ATXN1: variants seen among roughly 807,000 people sequenced by gnomAD.
ATXN1 encodes ataxin 1.
A neutral mutation model predicts 56.4 loss-of-function variants in ATXN1; 8 were observed. That is an observed-to-expected ratio of 0.14 (90% CI 0.08 to 0.26). The LOEUF (loss-of-function observed/expected upper bound fraction) is 0.26. Among genes scored for constraint, ATXN1 ranks in the 10% least tolerant of loss-of-function variants. The pLI, the probability that ATXN1 is intolerant of heterozygous loss-of-function variation, is 1.00. For missense variants in ATXN1, 987 were observed against 1,106.5 expected, an observed-to-expected ratio of 0.89 and a Z score of 1.53; for synonymous variants, 514 against 494.6, an observed-to-expected ratio of 1.04 and a Z score of -0.52.
At chr6:16,344,325 T>G (rs1460991483) in intron 6 of ATXN1, among the ~76,000 whole-genome samples, 1 of 152,250 alleles carries the variant, frequency 6.6e-6, no homozygotes, top group Non-Finnish European at 1.5e-5. Context: ...TCAACTTGAT[T>G]GGATTGAAGG....
chr6:16,701,036 A>C (rs1357113903), intron 2 of ATXN1, among the ~76,000 whole-genome samples: 1 of 152,060 alleles, frequency 6.6e-6, no homozygotes, highest in African/African-American at 2.4e-5. Context: ...TCTGAACAGA[A>C]GCGAGGTTTG....
At chr6:16,377,040 T>A (rs895253179) in intron 6 of ATXN1, among the ~76,000 whole-genome samples, 1 of 152,176 alleles carries the variant, frequency 6.6e-6, no homozygotes, top group East Asian at 1.9e-4. Flanking sequence ...GTATCCCTCA[T>A]ATATGGGATT....
chr6:16,317,076 C>T (rs1361273974), intron 7 of ATXN1, among the ~76,000 whole-genome samples: 2 of 152,046 alleles, frequency 1.3e-5, no homozygotes, highest in Non-Finnish European at 2.9e-5. Flanking sequence ...TCTCCACTCT[C>T]GTTCTTGCAG....
At chr6:16,658,996 C>A (rs1001672708) in intron 2 of ATXN1, among the ~76,000 whole-genome samples, 10 of 152,162 alleles carry the variant, frequency 6.6e-5, no homozygotes, top group Non-Finnish European at 1.5e-5. Context: ...CCTTGAAAGC[C>A]TTCTGTAACT....
chr6:16,321,100 C>A (rs566995047), intron 7 of ATXN1, among the ~76,000 whole-genome samples: 12 of 152,272 alleles, frequency 7.9e-5, no homozygotes, highest in African/African-American at 2.9e-4. Context: ...GTGCTACTGA[C>A]GGGTGAGGGA....
chr6:16,460,701 T>G (rs1482876429), intron 6 of ATXN1, among the ~76,000 whole-genome samples: 1 of 152,152 alleles, frequency 6.6e-6, no homozygotes, highest in African/African-American at 2.4e-5. Context: ...CTCTTAGAAG[T>G]ACCCTTAGCT....
chr6:16,350,788 T>A (rs1761548871), intron 6 of ATXN1, among the ~76,000 whole-genome samples: 1 of 152,168 alleles, frequency 6.6e-6, no homozygotes, highest in African/African-American at 2.4e-5. Context: ...TTCCTCATTT[T>A]AAAATGGGAA....
At chr6:16,700,423 G>A (rs932062238) in intron 2 of ATXN1, among the ~76,000 whole-genome samples, 5 of 152,138 alleles carry the variant, frequency 3.3e-5, no homozygotes, top group Admixed American at 1.3e-4. Flanking sequence ...GACCCCTTAC[G>A]GCCATTCCTA....
chr6:16,315,425 T>C (rs1327380595), intron 7 of ATXN1, among the ~76,000 whole-genome samples: 1 of 152,188 alleles, frequency 6.6e-6, no homozygotes, highest in East Asian at 1.9e-4. Flanking sequence ...TCTCACTCGC[T>C]CGGTCACCAC....
At chr6:16,651,726 G>C (rs1763896331) in intron 3 of ATXN1, among the ~76,000 whole-genome samples, 1 of 152,212 alleles carries the variant, frequency 6.6e-6, no homozygotes. Flanking sequence ...GAGTCATGTG[G>C]GAGGAAGTTG....
intron 2 of ATXN1, among the ~76,000 whole-genome samples, chr6:16,743,248 G>T (rs776321725): frequency 6.6e-6 from 1 of 152,146 alleles, no homozygotes; most frequent in African/African-American, 2.4e-5. Flanking sequence ...ATGATTGAGC[G>T]AATTCAGCAC....
At chr6:16,680,437 T>C (rs193153970) in intron 2 of ATXN1, among the ~76,000 whole-genome samples, 37 of 152,338 alleles carry the variant, frequency 2.4e-4, no homozygotes, top group African/African-American at 8.7e-4. Flanking sequence ...ACTTTTCAGC[T>C]TCTTTTTTGA....
At chr6:16,671,049 GA>G (rs1265163179) in intron 2 of ATXN1, among the ~76,000 whole-genome samples, 3 of 152,096 alleles carry the variant, frequency 2.0e-5, no homozygotes, top group Non-Finnish European at 4.4e-5. Context: ...TAACTATTCT[GA>G]AATTTGCTTT....
intron 5 of ATXN1, among the ~76,000 whole-genome samples, chr6:16,488,883 G>A (rs1322658955): frequency 6.6e-6 from 1 of 152,176 alleles, no homozygotes; most frequent in Admixed American, 6.5e-5. Flanking sequence ...GACACACTCA[G>A]AAAGGAGAGA....
intron 2 of ATXN1, among the ~76,000 whole-genome samples, chr6:16,660,702 T>A (rs1463274081): frequency 6.6e-6 from 1 of 152,162 alleles, no homozygotes; most frequent in Non-Finnish European, 1.5e-5. Flanking sequence ...CTATCTTATA[T>A]GATTTACTAG....
intron 2 of ATXN1, among the ~76,000 whole-genome samples, chr6:16,735,646 T>C (rs1760103214): frequency 6.6e-6 from 1 of 152,194 alleles, no homozygotes; most frequent in African/African-American, 2.4e-5. Flanking sequence ...AGTATGAAGA[T>C]ATCTACCACT....
chr6:16,543,305 TC>T (rs1419942683), intron 4 of ATXN1, among the ~76,000 whole-genome samples: 1 of 152,168 alleles, frequency 6.6e-6, no homozygotes, highest in Non-Finnish European at 1.5e-5. Flanking sequence ...TGGTTCCCTT[TC>T]CCATGACAGG....
intron 5 of ATXN1, among the ~76,000 whole-genome samples, chr6:16,487,310 TCATTAATAG>T (rs1390831729): frequency 6.6e-6 from 1 of 152,042 alleles, no homozygotes; most frequent in Non-Finnish European, 1.5e-5. Context: ...ATTGTGGGTG[TCATTAATAG>T]CATTTCTGAG....
At chr6:16,374,137 G>GT (rs1762100283) in intron 6 of ATXN1, among the ~76,000 whole-genome samples, 1 of 75,012 alleles carries the variant, frequency 1.3e-5, no homozygotes. Flanking sequence ...TAGGATATGA[G>GT]CAAAAAAAAA....
Sources: gnomAD v4.1 joint callset for allele counts (sites outside exome capture counted in the v4.1 genomes callset) on GRCh38, gnomAD v4.1.1 for gene constraint, MANE v1.5 for transcripts, NCBI Gene and HGNC (gene_info 2026-07-23, HGNC 2026-07-21) for gene names.